The following KCNQ1 variants were observed in gnomAD, a reference collection of about 807,000 sequenced individuals.
KCNQ1 encodes the protein potassium voltage-gated channel subfamily Q member 1.
A neutral mutation model predicts 72.4 loss-of-function variants in KCNQ1; 49 were observed. The observed-to-expected ratio is 0.68, with a 90% CI of 0.54 to 0.86. The LOEUF (loss-of-function observed/expected upper bound fraction) is 0.86, where lower values mean the gene tolerates loss of function less well. Ranked by LOEUF, KCNQ1 falls within the 40% of genes least tolerant of loss-of-function variation. KCNQ1 has a pLI of 0.00. For synonymous variants in KCNQ1, 450 were observed against 412.6 expected, an observed-to-expected ratio of 1.09 and a Z score of -1.10; for missense variants, 790 against 945.1, an observed-to-expected ratio of 0.84 and a Z score of 2.15.
rs1207508870 is a variant in KCNQ1, at chr11:2,484,171, A to G, written c.386+38687A>G. 1.3e-5 allele frequency among the ~76,000 whole-genome samples: 2 copies of G among 151,966 alleles called. No homozygotes were observed. Among genetic ancestry groups the G allele is most frequent in the East Asian group, 1.9e-4 (1 of 5,182 alleles). On this transcript the variant is annotated intron_variant, in intron 1 of 15. Coordinates refer to ENST00000155840, the MANE Select transcript of KCNQ1 (RefSeq NM_000218.3). The surrounding 1 kb of genome is among the most constrained non-coding windows in gnomAD (Gnocchi z 5.2). ...TATTATTATTTATTTTCCTCCATTTATTTATTTATTTAGAGACGGAGTTTT... is the reference window on the plus strand; with the variant it reads ...TATTATTATTTATTTTCCTCCATTTGTTTATTTATTTAGAGACGGAGTTTT...
At position 2,687,184 on chromosome 11, in the gene KCNQ1, C is replaced by T. The variant is rs1222021052; in HGVS notation, c.1514+25103C>T. 6 of 398,548 alleles carry T rather than the reference C, an allele frequency of 1.5e-5. No individual in the cohort carries two copies. The highest frequency in any genetic ancestry group is 6.2e-4 in the Middle Eastern group (1 of 1,610). The allele number at this position is 398,548 out of a possible 1,614,324, so 24.7% of individuals were successfully genotyped here. ...AAAGCACAGAAGTCTGCCAAAAGCC[C>T]AGGCTGGATAGGGAGCATCACACTG... On this transcript the variant is annotated intron_variant, in intron 11 of 15. Coordinates refer to ENST00000155840, the MANE Select transcript of KCNQ1 (RefSeq NM_000218.3). This position sits in a 1 kb window ranked among gnomAD's most constrained non-coding sequence, Gnocchi z 5.0.
Position 2,613,492 on chromosome 11 carries a change from C to T in KCNQ1, c.1393+24638C>T, listed in dbSNP as rs185276398. 114 of 398,540 alleles carry T rather than the reference C, an allele frequency of 2.9e-4. No homozygotes were observed. The highest frequency in any genetic ancestry group is 2.5e-3 in the East Asian group (70 of 28,074). 24.7% of individuals were successfully genotyped at this position (398,540 alleles called of 1,614,324 possible). On this transcript the variant is annotated intron_variant, in intron 10 of 15. Coordinates refer to ENST00000155840, the MANE Select transcript of KCNQ1 (RefSeq NM_000218.3). The surrounding 1 kb of genome is among the most constrained non-coding windows in gnomAD (Gnocchi z 4.8). ...CTTTGTTGCTGGTCCTCAAGCCTAC[C>T]GTGCCCCTGAGCTTGGGTGGGGAGA...
chr11:2,463,950 G>A lies in KCNQ1; in HGVS notation c.386+18466G>A, dbSNP rs1846315513. Among the ~76,000 whole-genome samples, 1 of 152,250 alleles carries A rather than the reference G, an allele frequency of 6.6e-6. No individual in the cohort carries two copies. Among genetic ancestry groups the A allele is most frequent in the African/African-American group, 2.4e-5 (1 of 41,474 alleles). On this transcript the variant is annotated intron_variant, in intron 1 of 15. Coordinates refer to ENST00000155840, the MANE Select transcript of KCNQ1 (RefSeq NM_000218.3). This position sits in a 1 kb window ranked among gnomAD's most constrained non-coding sequence, Gnocchi z 7.0. Reference sequence around the variant, plus strand: ...GCACCGAGGGCTCCGTGCCCAGCAGGCTCACTGTCGGCAGTTGGGTCTGGT... The same window carrying A: ...GCACCGAGGGCTCCGTGCCCAGCAGACTCACTGTCGGCAGTTGGGTCTGGT...
rs1031846702 is a variant in KCNQ1 at position 2,471,883 on chromosome 11, CAT to C, written c.386+26400_386+26401del. Among the ~76,000 whole-genome samples, 12 of 148,318 alleles carry C rather than the reference CAT, an allele frequency of 8.1e-5. No homozygotes were observed. Among genetic ancestry groups the C allele is most frequent in the East Asian group, 2.0e-4 (1 of 4,956 alleles). ...GTGTTTATGTATGGGTGTGTGTGCA[CAT>C]GTGTATAGGTGTGTGTATGCGTGCA... On this transcript the variant is annotated intron_variant, in intron 1 of 15. Coordinates refer to ENST00000155840, the MANE Select transcript of KCNQ1 (RefSeq NM_000218.3). The surrounding 1 kb of genome is among the most constrained non-coding windows in gnomAD (Gnocchi z 4.8).
In KCNQ1 at chr11:2,550,940, C is replaced by G. The variant is rs1224652899; in HGVS notation, c.478-19688C>G. Among the ~76,000 whole-genome samples the G allele has an allele frequency of 6.6e-6, 1 of 152,032 alleles. No individual in the cohort carries two copies. Among genetic ancestry groups the G allele is most frequent in the Non-Finnish European group, 1.5e-5 (1 of 67,984 alleles). The stretch of plus-strand genomic sequence containing the variant: ...TTCCATCCATGGGGTACAGCTGCTC[C>G]CAGGCCAGACTCTGGTGGTAGCAGG... On this transcript the variant is annotated intron_variant, in intron 2 of 15. Transcript: ENST00000155840. The surrounding 1 kb of genome is among the most constrained non-coding windows in gnomAD (Gnocchi z 6.0).
At position 2,621,025 on chromosome 11, in the gene KCNQ1, T is replaced by G; in HGVS notation, c.1393+32171T>G. 2.5e-6 allele frequency: 1 copy of G among 397,340 alleles called. No individual in the cohort carries two copies. The highest frequency in any genetic ancestry group is 3.6e-5 in the East Asian group (1 of 28,048). 24.6% of individuals were successfully genotyped at this position (397,340 alleles called of 1,614,324 possible). A position where few individuals can be genotyped will look rare whatever the true frequency, so the allele number is the denominator to read the frequency against. On this transcript the variant is annotated intron_variant, in intron 10 of 15. Transcript: ENST00000155840. This position sits in a 1 kb window ranked among gnomAD's most constrained non-coding sequence, Gnocchi z 5.7. ...AAGAGTCTTGCTCTGTCTCCCAGGC[T>G]GGAGTGCAGTGGCGCAATCTCGGCT...
rs113264717 is a variant in KCNQ1, at chr11:2,475,992, G to A, written c.386+30508G>A. On this transcript the variant is annotated intron_variant, in intron 1 of 15. Transcript: ENST00000155840. The surrounding 1 kb of genome is among the most constrained non-coding windows in gnomAD (Gnocchi z 5.8). Reference sequence around the variant, plus strand: ...ATGTCTTTATCAGCAGTGTGAAAACGGACTAATACTGACAATAAATTAAAA... The same window carrying A: ...ATGTCTTTATCAGCAGTGTGAAAACAGACTAATACTGACAATAAATTAAAA... Among the ~76,000 whole-genome samples, 79 of 152,078 alleles carry A rather than the reference G, an allele frequency of 5.2e-4. No homozygotes were observed. The highest frequency in any genetic ancestry group is 1.9e-3 in the African/African-American group (77 of 41,468).
chr11:2,786,100 A>T (rs1260387018), intron 15 of KCNQ1, among the ~76,000 whole-genome samples: 2 of 152,086 alleles, frequency 1.3e-5, no homozygotes, highest in Non-Finnish European at 2.9e-5. Flanking sequence ...TTACCTTTTT[A>T]TGTGACTGAG....
chr11:2,779,849 G>T (rs1846788919), intron 15 of KCNQ1, among the ~76,000 whole-genome samples: 2 of 152,234 alleles, frequency 1.3e-5, no homozygotes, highest in African/African-American at 4.8e-5. Flanking sequence ...GGCCAGCGCT[G>T]GCCTTGAAGG....
chr11:2,781,913 C>G lies in KCNQ1; in HGVS notation c.1794+3876C>G, dbSNP rs975074083. ...TTTCACTGCCTCCGGTCGCAGAATC[C>G]AGGCCTCCAGGATGAGAATGCCCCC... On this transcript the variant is annotated intron_variant, in intron 15 of 15. Coordinates refer to ENST00000155840, the MANE Select transcript of KCNQ1 (RefSeq NM_000218.3). This position sits in a 1 kb window ranked among gnomAD's most constrained non-coding sequence, Gnocchi z 6.6. 2.6e-5 allele frequency among the ~76,000 whole-genome samples: 4 copies of G among 152,138 alleles called. No homozygotes were observed. Among genetic ancestry groups the G allele is most frequent in the Non-Finnish European group, 5.9e-5 (4 of 68,010 alleles).
Position 2,517,920 on chromosome 11 carries a change from G to A in KCNQ1, c.387-10008G>A, listed in dbSNP as rs1006451199. 2.3e-4 allele frequency among the ~76,000 whole-genome samples: 35 copies of A among 152,226 alleles called. 1 individual carries two copies. The highest frequency in any genetic ancestry group is 7.2e-4 in the African/African-American group (30 of 41,460). ...CACGTCCTGCTCAAAGGCCACTTGC[G>A]AGCTAGGCTGAGCCTGTGGTGTGCG... On this transcript the variant is annotated intron_variant, in intron 1 of 15. Coordinates refer to ENST00000155840, the MANE Select transcript of KCNQ1 (RefSeq NM_000218.3).
chr11:2,761,925 G>A (rs1216479931), intron 11 of KCNQ1, among the ~76,000 whole-genome samples: 1 of 152,264 alleles, frequency 6.6e-6, no homozygotes, highest in Non-Finnish European at 1.5e-5. Context: ...CTGTGAAGCA[G>A]CCACGGGGCA....
At chr11:2,485,247 G>T (rs1321795634) in intron 1 of KCNQ1, among the ~76,000 whole-genome samples, 1 of 151,996 alleles carries the variant, frequency 6.6e-6, no homozygotes, top group Non-Finnish European at 1.5e-5. Context: ...CTTATCTGGG[G>T]GTCTGTGTGA....
Position 2,612,569 on chromosome 11 carries a change from A to G in KCNQ1, c.1393+23715A>G, listed in dbSNP as rs1848998841. The G allele has an allele frequency of 2.5e-6, 1 of 398,466 alleles. No individual in the cohort carries two copies. The highest frequency in any genetic ancestry group is 4.4e-6 in the Non-Finnish European group (1 of 226,060). 24.7% of individuals were successfully genotyped at this position (398,466 alleles called of 1,614,324 possible). On this transcript the variant is annotated intron_variant, in intron 10 of 15. Coordinates refer to ENST00000155840, the MANE Select transcript of KCNQ1 (RefSeq NM_000218.3). This position sits in a 1 kb window ranked among gnomAD's most constrained non-coding sequence, Gnocchi z 5.5. ...TTCACCTAAGTTATTATATTTCACA[A>G]CTACAGAATTTCTATTTGGTTTCTA...
chr11:2,586,000 G>A (rs1386051885), intron 8 of KCNQ1, among the ~76,000 whole-genome samples: 1 of 152,216 alleles, frequency 6.6e-6, no homozygotes, highest in Non-Finnish European at 1.5e-5. Context: ...GGAGTCACTT[G>A]AGAATTGCGT....
intron 1 of KCNQ1, among the ~76,000 whole-genome samples, chr11:2,527,064 C>T (rs1847523007): frequency 6.6e-6 from 1 of 152,174 alleles, no homozygotes. Flanking sequence ...TTTGCAGTGG[C>T]AGCAGCTCCC....
chr11:2,572,180 T>C, intron 5 of KCNQ1, 71 bp downstream of exon 5: 1 of 1,195,454 alleles, frequency 8.4e-7, no homozygotes, highest in African/African-American at 1.5e-5. Flanking sequence ...CAGCCCACAC[T>C]AGGACAGCTT....
chr11:2,695,157 C>G lies in KCNQ1; in HGVS notation c.1514+33076C>G, dbSNP rs1458294652. 3 of 398,538 alleles carry G rather than the reference C, an allele frequency of 7.5e-6. No individual in the cohort carries two copies. The highest frequency in any genetic ancestry group is 4.4e-5 in the Admixed American group (1 of 22,716). The allele number at this position is 398,538 out of a possible 1,614,324, so 24.7% of individuals were successfully genotyped here. A position where few individuals can be genotyped will look rare whatever the true frequency, so the allele number is the denominator to read the frequency against. On this transcript the variant is annotated intron_variant, in intron 11 of 15. Transcript: ENST00000155840. The surrounding 1 kb of genome is among the most constrained non-coding windows in gnomAD (Gnocchi z 5.2). ...ATTCGTTGGTTCTTGGCTTTTGGGA[C>G]TCTGCACAGAGTTGATCACAGCCCT...
At chr11:2,842,526 C>G (rs2134088005) in intron 15 of KCNQ1, among the ~76,000 whole-genome samples, 1 of 152,338 alleles carries the variant, frequency 6.6e-6, no homozygotes, top group East Asian at 1.9e-4. Context: ...CAGGTGCACT[C>G]CAACCCTTGG....
Sources: gnomAD v4.1 joint callset for allele counts (sites outside exome capture counted in the v4.1 genomes callset) on GRCh38, gnomAD v4.1.1 for gene constraint, Gnocchi (gnomAD v3.1) non-coding constraint, MANE v1.5 for transcripts, NCBI Gene and HGNC (gene_info 2026-07-23, HGNC 2026-07-21) for gene names.